Variants in RBPMS observed in about 807,000 individuals in gnomAD.
RBPMS encodes the protein RNA-binding protein with multiple splicing.
A neutral mutation model predicts 26.8 loss-of-function variants in RBPMS; 7 were observed. The ratio of observed to expected loss-of-function variants is 0.26; its 90% CI spans 0.15 to 0.49. The LOEUF is 0.49. RBPMS is among the 20% of genes least tolerant of loss of function. The pLI, the probability that RBPMS is intolerant of heterozygous loss-of-function variation, is 0.98. For synonymous variants in RBPMS, 96 were observed against 93.3 expected, an observed-to-expected ratio of 1.03 and a Z score of -0.17; for missense variants, 186 against 250.0, an observed-to-expected ratio of 0.74 and a Z score of 1.73.
intron 1 of RBPMS, among the ~76,000 whole-genome samples, chr8:30,473,481 A>G (rs191742924): frequency 6.6e-6 from 1 of 152,312 alleles, no homozygotes; most frequent in Admixed American, 6.5e-5. Flanking sequence ...TACCTTGTAC[A>G]TGGTGGCCTA....
intron 5 of RBPMS, among the ~76,000 whole-genome samples, chr8:30,536,776 CT>C (rs1824852443): frequency 6.6e-6 from 1 of 152,114 alleles, no homozygotes; most frequent in African/African-American, 2.4e-5. Flanking sequence ...TGTGGACCTC[CT>C]TTGTGGCGGG....
chr8:30,454,603 T>C (rs1459979866), intron 1 of RBPMS, among the ~76,000 whole-genome samples: 1 of 152,230 alleles, frequency 6.6e-6, no homozygotes, highest in Admixed American at 6.5e-5. Flanking sequence ...TCTTTGAACG[T>C]AGCAGAAGGA....
intron 1 of RBPMS, among the ~76,000 whole-genome samples, chr8:30,454,134 AC>A (rs574290622): frequency 2.6e-5 from 4 of 152,086 alleles, no homozygotes; most frequent in African/African-American, 4.8e-5. Context: ...AACATACTTT[AC>A]CCCAGCAGCA....
chr8:30,501,683 C>T (rs748656434), intron 4 of RBPMS, among the ~76,000 whole-genome samples: 10 of 152,144 alleles, frequency 6.6e-5, no homozygotes, highest in Non-Finnish European at 1.3e-4. Flanking sequence ...GAGAAAGGTT[C>T]TCTGTTCATT....
At chr8:30,497,126 CTAACT>C (rs747409523) in intron 4 of RBPMS, among the ~76,000 whole-genome samples, 5 of 152,180 alleles carry the variant, frequency 3.3e-5, no homozygotes, top group Non-Finnish European at 7.4e-5. Context: ...GTTTATATTC[CTAACT>C]TATGTTTTTA....
intron 2 of RBPMS, among the ~76,000 whole-genome samples, chr8:30,477,134 G>A (rs1412792826): frequency 6.6e-6 from 1 of 152,116 alleles, no homozygotes; most frequent in African/African-American, 2.4e-5. Context: ...CTCACTGCAA[G>A]CTCTGCCTCC....
At chr8:30,517,279 T>G (rs73670308) in intron 5 of RBPMS, among the ~76,000 whole-genome samples, 1 of 147,860 alleles carries the variant, frequency 6.8e-6, no homozygotes, top group African/African-American at 2.5e-5. Flanking sequence ...TTGGAAAACA[T>G]TGGCAGAAAT....
chr8:30,448,707 CT>C (rs1391234614), intron 1 of RBPMS, among the ~76,000 whole-genome samples: 6 of 152,300 alleles, frequency 3.9e-5, no homozygotes, highest in African/African-American at 1.4e-4. Context: ...CTATCACTTT[CT>C]AGTTATGTTG....
rs1270900512 is a variant in RBPMS at position 30,564,038 on chromosome 8, G to C, written c.*8-2219G>C. On this transcript the variant is annotated intron_variant, in intron 7 of 8. Coordinates refer to ENST00000397323, the MANE Select transcript of RBPMS (RefSeq NM_001008710.3). Reference sequence around the variant, plus strand: ...GTAATCAAATAGACATAATAGTTTGGGTGGTGATAGTATTCAGGGAATAAA... The same window carrying C: ...GTAATCAAATAGACATAATAGTTTGCGTGGTGATAGTATTCAGGGAATAAA... 2.0e-5 allele frequency: 3 copies of C among 152,194 alleles called. No individual in the cohort carries two copies. The East Asian group carries it at 5.8e-4, about 29-fold the overall frequency. The allele number at this position is 152,194 out of a possible 1,614,324, so 9.4% of individuals were successfully genotyped here. A position where few individuals can be genotyped will look rare whatever the true frequency, so the allele number is the denominator to read the frequency against.
At chr8:30,558,688 T>C (rs2151083491) in intron 6 of RBPMS, 199 bp from the exon 7 acceptor site, 2 of 635,486 alleles carry the variant, frequency 3.1e-6, no homozygotes, top group East Asian at 2.8e-5. Context: ...CTTGCCTGTG[T>C]GTTCATAATG....
chr8:30,430,921 G>C (rs1381296476), intron 1 of RBPMS, among the ~76,000 whole-genome samples: 1 of 152,134 alleles, frequency 6.6e-6, no homozygotes, highest in Non-Finnish European at 1.5e-5. Context: ...ATAAAACAAG[G>C]CCTTCTTATT....
At chr8:30,476,833 G>A (rs151315599) in intron 2 of RBPMS, among the ~76,000 whole-genome samples, 191 of 152,226 alleles carry the variant, frequency 1.3e-3, no homozygotes, top group African/African-American at 4.1e-3. Flanking sequence ...TTGAGGAGCC[G>A]GGAGGGGTGA....
intron 1 of RBPMS, among the ~76,000 whole-genome samples, chr8:30,425,122 A>G (rs990874057): frequency 6.6e-6 from 1 of 151,576 alleles, no homozygotes; most frequent in East Asian, 2.0e-4. Flanking sequence ...CGCCCAACTA[A>G]TTTTCTGTAG....
At chr8:30,513,807 C>T (rs1405249605) in intron 5 of RBPMS, among the ~76,000 whole-genome samples, 1 of 152,132 alleles carries the variant, frequency 6.6e-6, no homozygotes, top group Non-Finnish European at 1.5e-5. Flanking sequence ...ACCTCACTTG[C>T]TCATTGTGAA....
intron 1 of RBPMS, among the ~76,000 whole-genome samples, chr8:30,447,745 T>C (rs2150733826): frequency 6.6e-6 from 1 of 152,350 alleles, no homozygotes; most frequent in East Asian, 1.9e-4. Flanking sequence ...ATTGTGTCTA[T>C]ACAAAATTGT....
intron 1 of RBPMS, among the ~76,000 whole-genome samples, chr8:30,449,453 C>G (rs1244875268): frequency 6.7e-6 from 1 of 149,466 alleles, no homozygotes; most frequent in Non-Finnish European, 1.5e-5. Flanking sequence ...TCACTGCAAC[C>G]TTCACCTCCT....
chr8:30,455,022 C>T (rs1447607599), intron 1 of RBPMS, among the ~76,000 whole-genome samples: 6 of 152,198 alleles, frequency 3.9e-5, no homozygotes, highest in Non-Finnish European at 8.8e-5. Flanking sequence ...GGGGTTTCGC[C>T]ATGTTGGCCA....
intron 1 of RBPMS, among the ~76,000 whole-genome samples, chr8:30,445,829 G>A (rs905695357): frequency 1.1e-4 from 17 of 151,724 alleles, no homozygotes; most frequent in Non-Finnish European, 1.3e-4. Flanking sequence ...ACTCCCAGCT[G>A]ATTTTTGTAT....
chr8:30,558,193 C>T, intron 6 of RBPMS: 1 of 152,270 alleles, frequency 6.6e-6, no homozygotes, highest in East Asian at 1.9e-4. Context: ...TGGCATAGGA[C>T]CTGGAATATG....
Sources: allele counts gnomAD v4.1 joint callset (sites outside exome capture counted in the v4.1 genomes callset), GRCh38; gene constraint gnomAD v4.1.1; transcripts MANE v1.5; gene names NCBI Gene and HGNC (gene_info 2026-07-23, HGNC 2026-07-21).